PCDH11X: variants seen among roughly 807,000 people sequenced by gnomAD.
The protein encoded by PCDH11X is protocadherin-11 X-linked.
In PCDH11X, 18 loss-of-function variants were observed where a neutral mutation model predicts 53.3. The ratio of observed to expected loss-of-function variants is 0.34; its 90% CI spans 0.23 to 0.50. The LOEUF (loss-of-function observed/expected upper bound fraction) is 0.50. PCDH11X is among the 20% of genes least tolerant of loss of function. PCDH11X has a pLI of 0.98. For synonymous variants in PCDH11X, 279 were observed against 393.3 expected, an observed-to-expected ratio of 0.71 and a Z score of 3.44; for missense variants, 570 against 1,032.4, an observed-to-expected ratio of 0.55 and a Z score of 6.14.
At chrX:92,120,160 T>C (rs1407476793) in intron 6 of PCDH11X, among the ~76,000 whole-genome samples, 23 of 69,800 alleles carry the variant, frequency 3.3e-4, no homozygotes, top group Admixed American at 2.5e-3. Context: ...TCTTTCTTTT[T>C]TTTTTTTTTT....
intron 6 of PCDH11X, among the ~76,000 whole-genome samples, chrX:92,130,971 A>AT (rs1418604228): frequency 1.6e-3 from 178 of 110,823 alleles, no homozygotes; most frequent in Admixed American, 3.1e-3. Flanking sequence ...TAAAAAAAAA[A>AT]ACCCATATAC....
At chrX:92,009,208 C>T (rs2062649521) in intron 6 of PCDH11X, among the ~76,000 whole-genome samples, 1 of 111,770 alleles carries the variant, frequency 8.9e-6, no homozygotes, top group Non-Finnish European at 1.9e-5. Flanking sequence ...TGTATTCTAG[C>T]TCAATTTCCC....
chrX:92,258,715 G>A (rs1378721460), intron 7 of PCDH11X, among the ~76,000 whole-genome samples: 1 of 111,781 alleles, frequency 8.9e-6, no homozygotes, highest in African/African-American at 3.3e-5. Context: ...CCTGAAAATG[G>A]AGACTTTTTT....
chrX:92,214,739 G>T (rs1046861176), intron 7 of PCDH11X, among the ~76,000 whole-genome samples: 1 of 111,510 alleles, frequency 9.0e-6, no homozygotes, highest in Non-Finnish European at 1.9e-5. Context: ...TAGATAGTGA[G>T]ACTGGGCCTG....
intron 6 of PCDH11X, among the ~76,000 whole-genome samples, chrX:92,034,996 A>G (rs976607455): frequency 1.8e-5 from 2 of 110,454 alleles, no homozygotes; most frequent in African/African-American, 6.6e-5. Context: ...ACACCTTAAC[A>G]TTGTTTGCAT....
At chrX:92,606,050 G>A (rs1195581556) in intron 10 of PCDH11X, among the ~76,000 whole-genome samples, 2 of 109,142 alleles carry the variant, frequency 1.8e-5, no homozygotes, top group Non-Finnish European at 3.8e-5. Flanking sequence ...TGACCAACAT[G>A]GAGAAACCTC....
chrX:91,967,605 A>G (rs1041859920), intron 6 of PCDH11X, among the ~76,000 whole-genome samples: 1 of 109,230 alleles, frequency 9.2e-6, no homozygotes, highest in African/African-American at 3.3e-5. Context: ...GTTGGGGACC[A>G]CTGTGGTAGG....
chrX:92,535,172 G>A (rs183270200), intron 10 of PCDH11X, among the ~76,000 whole-genome samples: 2 of 112,004 alleles, frequency 1.8e-5, no homozygotes, highest in East Asian at 5.6e-4. Context: ...CCAGTACTGG[G>A]TATATACCCA....
At chrX:92,267,906 G>A (rs965690683) in intron 8 of PCDH11X, among the ~76,000 whole-genome samples, 1 of 111,879 alleles carries the variant, frequency 8.9e-6, no homozygotes, top group African/African-American at 3.3e-5. Flanking sequence ...GGTGTCTCTT[G>A]TACTTATAAA....
At chrX:92,298,089 A>G (rs1397008822) in intron 8 of PCDH11X, among the ~76,000 whole-genome samples, 1 of 111,699 alleles carries the variant, frequency 9.0e-6, no homozygotes, top group Non-Finnish European at 1.9e-5. Context: ...TATCACCTGC[A>G]AACAAGGACA....
At chrX:92,007,617 G>T (rs1192039653) in intron 6 of PCDH11X, among the ~76,000 whole-genome samples, 1 of 111,723 alleles carries the variant, frequency 9.0e-6, no homozygotes. Flanking sequence ...CACCCCTGTG[G>T]CCTGATATTG....
chrX:91,811,638 A>G (rs1936296947), intron 4 of PCDH11X, among the ~76,000 whole-genome samples: 1 of 110,320 alleles, frequency 9.1e-6, no homozygotes, highest in South Asian at 3.9e-4. Context: ...GTAAACAATG[A>G]AGTTGTAAAG....
At chrX:91,967,499 A>G (rs1223074242) in intron 6 of PCDH11X, among the ~76,000 whole-genome samples, 1 of 109,928 alleles carries the variant, frequency 9.1e-6, no homozygotes, top group Non-Finnish European at 1.9e-5. Flanking sequence ...TCTGAGGTGG[A>G]ATAGTTTCAT....
chrX:92,389,640 T>C (rs2148575344), intron 9 of PCDH11X, among the ~76,000 whole-genome samples: 1 of 111,189 alleles, frequency 9.0e-6, no homozygotes, highest in Non-Finnish European at 1.9e-5. Flanking sequence ...TTGATAATAA[T>C]AGGAGAATTG....
intron 6 of PCDH11X, among the ~76,000 whole-genome samples, chrX:91,950,280 T>C (rs1445472665): frequency 1.9e-5 from 2 of 106,006 alleles, no homozygotes; most frequent in Non-Finnish European, 3.9e-5. Flanking sequence ...CAATAGGTAG[T>C]TTTTAATCCC....
At chrX:92,616,743 G>A (rs1484038540) in intron 10 of PCDH11X, among the ~76,000 whole-genome samples, 1 of 107,549 alleles carries the variant, frequency 9.3e-6, no homozygotes, top group East Asian at 3.0e-4. Flanking sequence ...TATAGCATCA[G>A]CTTGTTGATA....
chrX:91,860,095 A>G (rs893852562), intron 5 of PCDH11X, among the ~76,000 whole-genome samples: 2 of 109,309 alleles, frequency 1.8e-5, no homozygotes, highest in African/African-American at 6.7e-5. Context: ...ATCCATGAGC[A>G]TGGTAAGGTA....
rs777603920 is a variant in PCDH11X at position 91,981,797 on chromosome X, T to G, written c.3033+102524T>G. On this transcript the variant is annotated intron_variant, in intron 6 of 10. Transcript: ENST00000682573. Reference sequence around the variant, plus strand: ...ACTCCTGTTGTTGTTGTTGTTTTCTTTTTTTTAGGTTTCAATATTTTATTC... The same window carrying G: ...ACTCCTGTTGTTGTTGTTGTTTTCTGTTTTTTAGGTTTCAATATTTTATTC... Among the ~76,000 whole-genome samples the G allele has an allele frequency of 5.4e-3, 568 of 105,896 alleles. 7 individuals carry two copies. The highest frequency in any genetic ancestry group is 0.019 in the African/African-American group (543 of 29,027). The allele number at this position is 105,896 out of a possible 115,157, so 92.0% of individuals were successfully genotyped here.
At chrX:91,886,837 G>T (rs955832494) in intron 6 of PCDH11X, among the ~76,000 whole-genome samples, 3 of 107,986 alleles carry the variant, frequency 2.8e-5, no homozygotes, top group Non-Finnish European at 5.7e-5. Flanking sequence ...TGGGCGTGGT[G>T]GCGGGCGCCT....
Sources: allele counts gnomAD v4.1 joint callset (sites outside exome capture counted in the v4.1 genomes callset), GRCh38; gene constraint gnomAD v4.1.1; transcripts MANE v1.5; gene names NCBI Gene and HGNC (gene_info 2026-07-23, HGNC 2026-07-21).